Variants in DPF3 observed in about 807,000 individuals in gnomAD.
The protein encoded by DPF3 is double PHD fingers 3, also known as zinc finger protein DPF3.
DPF3 carries 18 observed loss-of-function variants against 56.8 expected under a neutral mutation model. The observed-to-expected ratio is 0.32, with a 90% confidence interval of 0.22 to 0.47. The LOEUF (loss-of-function observed/expected upper bound fraction) is 0.47. Ranked by LOEUF, DPF3 falls within the 20% of genes least tolerant of loss-of-function variation. The probability of loss-of-function intolerance (pLI) is 1.00; values close to 1 mark genes in which losing one functional copy is unlikely to be tolerated. For missense variants in DPF3, 403 were observed against 488.8 expected, an observed-to-expected ratio of 0.82 and a Z score of 1.65; for synonymous variants, 188 against 180.2, an observed-to-expected ratio of 1.04 and a Z score of -0.35.
At chr14:72,758,277 T>C (rs1890921804) in intron 2 of DPF3, among the ~76,000 whole-genome samples, 1 of 151,896 alleles carries the variant, frequency 6.6e-6, no homozygotes. Flanking sequence ...CATCAGGCAT[T>C]GAAGGACAGT....
chr14:72,674,258 C>A lies in DPF3; in HGVS notation c.853G>T (p.Ala285Ser), dbSNP rs368158261. 1.9e-6 allele frequency: 3 copies of A among 1,612,552 alleles called. No homozygotes were observed. Among genetic ancestry groups the A allele is most frequent in the Non-Finnish European group, 1.7e-6 (2 of 1,179,356 alleles). Residue 285 changes from alanine (A) to serine (S), a missense_variant, in exon 8 of 11, where the codon GCA (alanine) becomes TCA (serine). Transcript: ENST00000556509. ...SGRPEELVSC[A>S]DCGRSGHPTC... is the part of the protein sequence containing the mutation. ...CACTCACCAGAGCGTCCACAGTCTG[C>A]GCAGGACACCAGCTCTTCAGGCCGC...
chr14:72,824,234 G>A (rs554670957), intron 1 of DPF3, among the ~76,000 whole-genome samples: 3 of 152,146 alleles, frequency 2.0e-5, no homozygotes, highest in Non-Finnish European at 2.9e-5. Flanking sequence ...TCAGATGCCG[G>A]GAAAAATTCC....
In DPF3 at chr14:72,830,819, G is replaced by A. The variant is rs182852490; in HGVS notation, c.33-58926C>T. ...GGACAAATGAACCCCTTGTCACCCC[G>A]ATCTCACTAGTTCCTTCCCTGAAAC... On this transcript the variant is annotated intron_variant, in intron 1 of 10. Coordinates refer to ENST00000556509, the MANE Select transcript of DPF3 (RefSeq NM_001280542.3). 4.6e-5 allele frequency among the ~76,000 whole-genome samples: 7 copies of A among 152,218 alleles called. No individual in the cohort carries two copies. In the South Asian group the frequency reaches 6.2e-4, roughly 14 times the overall value.
intron 1 of DPF3, among the ~76,000 whole-genome samples, chr14:72,806,584 G>A (rs1210740868): frequency 1.3e-5 from 2 of 152,110 alleles, no homozygotes; most frequent in African/African-American, 2.4e-5. Context: ...ACTTTATATC[G>A]TAATCCTTTT....
At chr14:72,774,288 A>AAC (rs1405442284) in intron 1 of DPF3, among the ~76,000 whole-genome samples, 1 of 151,054 alleles carries the variant, frequency 6.6e-6, no homozygotes, top group East Asian at 1.9e-4. Context: ...AAAAAAAAAA[A>AAC]ACCTGCTTTC....
intron 1 of DPF3, among the ~76,000 whole-genome samples, chr14:72,892,909 G>A (rs1267333510): frequency 6.6e-6 from 1 of 151,514 alleles, no homozygotes; most frequent in African/African-American, 2.4e-5. Flanking sequence ...CCGCGATCGC[G>A]AGCGGACTTG....
At position 72,869,572 on chromosome 14, in the gene DPF3, G is replaced by A. The variant is rs1026193004; in HGVS notation, c.32+24485C>T. Among the ~76,000 whole-genome samples, 8 of 152,140 alleles carry A rather than the reference G, an allele frequency of 5.3e-5. No individual in the cohort carries two copies. The South Asian group carries it at 6.2e-4, about 12-fold the overall frequency. On this transcript the variant is annotated intron_variant, in intron 1 of 10. Coordinates refer to ENST00000556509, the MANE Select transcript of DPF3 (RefSeq NM_001280542.3). ...TCTTCTCGACTGTCACACGGATGGC[G>A]TCACTGGATGCCACAAGATCTCAGG...
chr14:72,869,048 T>TCCAGTG (rs1403580142), intron 1 of DPF3, among the ~76,000 whole-genome samples: 1 of 152,168 alleles, frequency 6.6e-6, no homozygotes, highest in African/African-American at 2.4e-5. Flanking sequence ...TCCTGACCTC[T>TCCAGTG]CTTACCATCT....
intron 1 of DPF3, among the ~76,000 whole-genome samples, chr14:72,841,295 C>T (rs1014554930): frequency 5.3e-5 from 8 of 152,184 alleles, no homozygotes; most frequent in Non-Finnish European, 7.4e-5. Context: ...ATTTCTGAAA[C>T]ACCTGGTACT....
In DPF3 at chr14:72,842,208, C is replaced by T. The variant is rs79809512; in HGVS notation, c.32+51849G>A. 6.0e-3 allele frequency among the ~76,000 whole-genome samples: 906 copies of T among 152,008 alleles called. 4 individuals carry two copies. The highest frequency in any genetic ancestry group is 0.011 in the Admixed American group (162 of 15,256). Reference sequence around the variant, plus strand: ...GATTCAGCAGCCTCTACTGAACATACGCCTGCCCCATGACCCAGTAACTCC... The same window carrying T: ...GATTCAGCAGCCTCTACTGAACATATGCCTGCCCCATGACCCAGTAACTCC... On this transcript the variant is annotated intron_variant, in intron 1 of 10. Transcript: ENST00000556509.
intron 1 of DPF3, among the ~76,000 whole-genome samples, chr14:72,838,751 C>T (rs1233362274): frequency 6.4e-5 from 2 of 31,476 alleles, no homozygotes; most frequent in Non-Finnish European, 1.2e-4. Context: ...AACGAGACTC[C>T]GTCTCAAAAA....
intron 8 of DPF3, among the ~76,000 whole-genome samples, chr14:72,671,810 G>T (rs1886687831): frequency 6.6e-6 from 1 of 152,164 alleles, no homozygotes; most frequent in African/African-American, 2.4e-5. Flanking sequence ...ATTCAAGGTG[G>T]TTAAGCCTCC....
rs367550329 is a variant in DPF3 at position 72,710,337 on chromosome 14, A to G, written c.604+4086T>C. 2.6e-5 allele frequency among the ~76,000 whole-genome samples: 4 copies of G among 152,384 alleles called. No individual in the cohort carries two copies. The East Asian group carries it at 7.7e-4, about 29-fold the overall frequency. On this transcript the variant is annotated intron_variant, in intron 6 of 10. Coordinates refer to ENST00000556509, the MANE Select transcript of DPF3 (RefSeq NM_001280542.3). Reference sequence around the variant, plus strand: ...ATCAAGCGCTGGATAGCTGAGTTGTATATCAATGTGAAATAAATGGAAAGA... The same window carrying G: ...ATCAAGCGCTGGATAGCTGAGTTGTGTATCAATGTGAAATAAATGGAAAGA...
chr14:72,786,993 C>T (rs1039928818), intron 1 of DPF3, among the ~76,000 whole-genome samples: 2 of 152,246 alleles, frequency 1.3e-5, no homozygotes, highest in African/African-American at 4.8e-5. Context: ...GCTGAGGCAG[C>T]TGAAGACTTG....
At chr14:72,810,448 T>C (rs1882990451) in intron 1 of DPF3, among the ~76,000 whole-genome samples, 1 of 152,104 alleles carries the variant, frequency 6.6e-6, no homozygotes, top group South Asian at 2.1e-4. Context: ...TGTACCGAGC[T>C]TCCGGGCTGC....
At chr14:72,736,736 A>T (rs1889907688) in intron 3 of DPF3, among the ~76,000 whole-genome samples, 1 of 152,178 alleles carries the variant, frequency 6.6e-6, no homozygotes, top group Non-Finnish European at 1.5e-5. Flanking sequence ...ATTTTATTTG[A>T]ATATGGCCCA....
chr14:72,870,218 G>A (rs1885843466), intron 1 of DPF3, among the ~76,000 whole-genome samples: 1 of 152,162 alleles, frequency 6.6e-6, no homozygotes, highest in Non-Finnish European at 1.5e-5. Context: ...AGATGAGCAA[G>A]GTGCCTGTTA....
chr14:72,652,696 A>G (rs1471080094), intron 8 of DPF3, among the ~76,000 whole-genome samples: 1 of 152,174 alleles, frequency 6.6e-6, no homozygotes, highest in Non-Finnish European at 1.5e-5. Context: ...TCAAACCACT[A>G]TGTAGGTAAC....
chr14:72,723,747 ATAG>A lies in DPF3; in HGVS notation c.430-22_430-20del. The A allele has an allele frequency of 6.4e-7, 1 of 1,564,234 alleles. No individual in the cohort carries two copies. The highest frequency in any genetic ancestry group is 8.6e-7 in the Non-Finnish European group (1 of 1,158,708). On this transcript the variant is annotated intron_variant, in intron 4 of 10. Transcript: ENST00000556509. ...AAACCCTCTGAAATGAAAAAAAAAA[ATAG>A]AAAAGGTGAGAAACGAAATGCAAAG...
Sources: gnomAD v4.1 joint callset for allele counts (sites outside exome capture counted in the v4.1 genomes callset) on GRCh38, gnomAD v4.1.1 for gene constraint, MANE v1.5 for transcripts, NCBI Gene and HGNC (gene_info 2026-07-23, HGNC 2026-07-21) for gene names.